The following NPAT variants were observed in gnomAD, a reference collection of about 807,000 sequenced individuals.
NPAT encodes the protein nuclear protein, coactivator of histone transcription.
Under a neutral mutation model 130.7 loss-of-function variants are expected in NPAT, and 52 were observed. The observed-to-expected ratio is 0.40, with a 90% CI of 0.32 to 0.50. NPAT has a LOEUF of 0.50. NPAT is among the 20% of genes least tolerant of loss of function. The pLI, the probability that NPAT is intolerant of heterozygous loss-of-function variation, is 0.68. For missense variants in NPAT, 1,687 were observed against 1,662.6 expected (o/e 1.01, Z -0.26); for synonymous variants, 580 against 584.8 (o/e 0.99, Z 0.12).
intron 10 of NPAT, among the ~76,000 whole-genome samples, chr11:108,184,196 G>A (rs1043801312): frequency 6.6e-6 from 1 of 152,092 alleles, no homozygotes; most frequent in African/African-American, 2.4e-5. Context: ...TTATTGGCCG[G>A]GCACGGTGGC....
intron 2 of NPAT, among the ~76,000 whole-genome samples, chr11:108,196,024 G>T (rs141975120): frequency 7.2e-5 from 11 of 152,220 alleles, no homozygotes; most frequent in African/African-American, 2.4e-4. Flanking sequence ...CATGCTTTTG[G>T]TGTCATATAT....
At position 108,157,597 on chromosome 11, in the gene NPAT, G is replaced by C. The variant is rs576627964; in HGVS notation, c.*1345C>G. 6.6e-6 allele frequency: 1 copy of C among 151,998 alleles called. No individual in the cohort carries two copies. Among genetic ancestry groups the C allele is most frequent in the Non-Finnish European group, 1.5e-5 (1 of 67,936 alleles). 9.4% of individuals were successfully genotyped at this position (151,998 alleles called of 1,614,324 possible). A position where few individuals can be genotyped will look rare whatever the true frequency, so the allele number is the denominator to read the frequency against. On this transcript the variant is annotated 3_prime_UTR_variant, in exon 18 of 18. Transcript: ENST00000278612. Reference sequence around the variant, plus strand: ...ACTGAGAAATGTTGTGTTAAAGTTGGATGGATTTATTTTTTTAAAGGCCCA... The same window carrying C: ...ACTGAGAAATGTTGTGTTAAAGTTGCATGGATTTATTTTTTTAAAGGCCCA...
At chr11:108,170,895 T>C (rs965645430) in intron 13 of NPAT, among the ~76,000 whole-genome samples, 2 of 152,208 alleles carry the variant, frequency 1.3e-5, no homozygotes, top group African/African-American at 4.8e-5. Flanking sequence ...TTAGGTTTAA[T>C]ACTAATTGTT....
chr11:108,164,838 C>T (rs774859326), intron 15 of NPAT, among the ~76,000 whole-genome samples: 2 of 152,036 alleles, frequency 1.3e-5, no homozygotes, highest in African/African-American at 2.4e-5. Context: ...ACGGAGAACC[C>T]CGTCTCTACT....
chr11:108,215,439 T>C (rs2078424963), intron 1 of NPAT, among the ~76,000 whole-genome samples: 1 of 152,150 alleles, frequency 6.6e-6, no homozygotes, highest in South Asian at 2.1e-4. Flanking sequence ...GCTTAACACC[T>C]GGGTGATGAA....
rs141224731 is a variant in NPAT at position 108,221,446 on chromosome 11, C to A, written c.37+1054G>T. 2.1e-3 allele frequency among the ~76,000 whole-genome samples: 320 copies of A among 152,314 alleles called. 3 individuals carry two copies. Among genetic ancestry groups the A allele is most frequent in the African/African-American group, 6.6e-3 (274 of 41,562 alleles). Reference sequence around the variant, plus strand: ...GACATTAACAAAACATTAAACTTGTCATTAAGTTTCTTCAAAAATGGATGG... The same window carrying A: ...GACATTAACAAAACATTAAACTTGTAATTAAGTTTCTTCAAAAATGGATGG... On this transcript the variant is annotated intron_variant, in intron 1 of 17. Coordinates refer to ENST00000278612, the MANE Select transcript of NPAT (RefSeq NM_002519.3).
Position 108,172,837 on chromosome 11 carries a change from T to G in NPAT, c.2147A>C (p.Glu716Ala). ...AGGTTTATCATCAGTATTTTGGGAC[T>G]CAGGGTGAGAATCTCCCACTGAAGA... ...VCSSVGDSHP[E>A]SQNTDDKPSS... The change falls in exon 13 of 18, where the codon GAG (glutamate) becomes GCG (alanine). Residue 716 changes from glutamate to alanine, a missense_variant. Glu to Ala is a moderately radical substitution (Grantham distance 107). Transcript: ENST00000278612. The G allele has an allele frequency of 5.0e-6, 8 of 1,613,956 alleles. No individual in the cohort carries two copies. The South Asian group carries it at 8.8e-5, about 18-fold the overall frequency.
At chr11:108,213,938 A>G (rs1184348914) in intron 1 of NPAT, among the ~76,000 whole-genome samples, 1 of 152,174 alleles carries the variant, frequency 6.6e-6, no homozygotes, top group Non-Finnish European at 1.5e-5. Flanking sequence ...CCCAGGCTGA[A>G]GTAGAGTGGC....
In NPAT at chr11:108,222,609, G is replaced by A. The variant is rs2078543310; in HGVS notation, c.-73C>T. The A allele has an allele frequency of 7.2e-6, 11 of 1,535,524 alleles. No homozygotes were observed. Among genetic ancestry groups the A allele is most frequent in the African/African-American group, 5.5e-5 (4 of 73,326 alleles). On this transcript the variant is annotated 5_prime_UTR_variant, in exon 1 of 18. Coordinates refer to ENST00000278612, the MANE Select transcript of NPAT (RefSeq NM_002519.3). ...AAGCAAACACAGCGACAGCTCCTGCGCCGCATCTCCTGGTTCCAGTGGCGG... is the reference window on the plus strand; with the variant it reads ...AAGCAAACACAGCGACAGCTCCTGCACCGCATCTCCTGGTTCCAGTGGCGG...
At chr11:108,211,234 CAA>C (rs1244463723) in intron 1 of NPAT, among the ~76,000 whole-genome samples, 1 of 150,454 alleles carries the variant, frequency 6.6e-6, no homozygotes, top group Non-Finnish European at 1.5e-5. Context: ...AGAAAAGAAA[CAA>C]AGTGAACATA....
chr11:108,192,242 C>T (rs746582317), intron 3 of NPAT, 52 bp from the exon 4 acceptor site: 1 of 1,149,426 alleles, frequency 8.7e-7, no homozygotes, highest in Middle Eastern at 2.0e-4. Context: ...GAAATTTCAT[C>T]ATTCATTCTG....
intron 1 of NPAT, among the ~76,000 whole-genome samples, chr11:108,205,547 G>T (rs1228829508): frequency 2.0e-5 from 3 of 152,180 alleles, no homozygotes; most frequent in African/African-American, 7.2e-5. Flanking sequence ...GGGATTACAG[G>T]AGTAAGCCAC....
intron 10 of NPAT, among the ~76,000 whole-genome samples, chr11:108,183,704 A>C (rs2078078100): frequency 6.6e-6 from 1 of 152,228 alleles, no homozygotes; most frequent in African/African-American, 2.4e-5. Context: ...TGGGAAGCTG[A>C]GGCAGGAGAA....
rs141031920 is a variant in NPAT, at chr11:108,204,212, A to G, written c.38-6792T>C. Among the ~76,000 whole-genome samples the G allele has an allele frequency of 3.3e-5, 5 of 152,310 alleles. No homozygotes were observed. The East Asian group carries it at 7.7e-4, about 24-fold the overall frequency. On this transcript the variant is annotated intron_variant, in intron 1 of 17. Transcript: ENST00000278612. ...GGTCCATGGTGAAACCCAACATTCA[A>G]GTCAAAGGTGGCCTGAAGCCTGAAA...
Position 108,172,928 on chromosome 11 carries a change from C to A in NPAT, c.2056G>T (p.Ala686Ser). The A allele has an allele frequency of 6.2e-7, 1 of 1,614,086 alleles. No individual in the cohort carries two copies. Among genetic ancestry groups the A allele is most frequent in the Non-Finnish European group, 8.5e-7 (1 of 1,180,000 alleles). The change falls in exon 13 of 18, where the codon GCA becomes TCA. Residue 686 changes from alanine (A) to serine (S), a missense_variant. Around this residue, in one of 3 missense-constraint regions of NPAT, gnomAD observed 1,379 missense variants for 1,346.6 expected, o/e 1.02. Transcript: ENST00000278612. Reference protein sequence around the residue: ...LGGNANCEKVALTPPEGTPVE... With the variant: ...LGGNANCEKVSLTPPEGTPVE... ...GGAGTGCCTTCTGGAGGCGTCAGTG[C>A]AACTTTCTCACAGTTAGCATTTCCA...
At chr11:108,215,330 A>G (rs1286619680) in intron 1 of NPAT, among the ~76,000 whole-genome samples, 5 of 152,022 alleles carry the variant, frequency 3.3e-5, no homozygotes, top group Non-Finnish European at 7.4e-5. Context: ...AAGGATGAGA[A>G]CACACGGGCA....
intron 1 of NPAT, among the ~76,000 whole-genome samples, chr11:108,212,285 G>C (rs1001447975): frequency 6.6e-6 from 1 of 152,118 alleles, no homozygotes; most frequent in Non-Finnish European, 1.5e-5. Flanking sequence ...AGCACTTTGG[G>C]AGGCCGAGCT....
chr11:108,176,726 G>A (rs929303506), intron 11 of NPAT, among the ~76,000 whole-genome samples: 29 of 151,912 alleles, frequency 1.9e-4, no homozygotes, highest in African/African-American at 5.1e-4. Context: ...TAACACATTT[G>A]TATAGTGGTA....
intron 10 of NPAT, among the ~76,000 whole-genome samples, chr11:108,182,265 G>A (rs2078065281): frequency 1.3e-5 from 2 of 152,182 alleles, no homozygotes; most frequent in Non-Finnish European, 1.5e-5. Flanking sequence ...CCCACTCATA[G>A]AATTGGTACT....
Sources: allele counts gnomAD v4.1 joint callset (sites outside exome capture counted in the v4.1 genomes callset), GRCh38; gene constraint gnomAD v4.1.1; regional missense constraint gnomAD v4.1.1; transcripts MANE v1.5; gene names NCBI Gene and HGNC (gene_info 2026-07-23, HGNC 2026-07-21).